DOCK4: variants seen among roughly 807,000 people sequenced by gnomAD.
DOCK4 encodes dedicator of cytokinesis 4, also known as dedicator of cytokinesis protein 4.
Under a neutral mutation model 268.1 loss-of-function variants are expected in DOCK4, and 97 were observed. The observed-to-expected ratio is 0.36, with a 90% CI of 0.31 to 0.43. The LOEUF (loss-of-function observed/expected upper bound fraction) is 0.43, where lower values mean the gene tolerates loss of function less well. Among genes scored for constraint, DOCK4 ranks in the 20% least tolerant of loss-of-function variants. The pLI, the probability that DOCK4 is intolerant of heterozygous loss-of-function variation, is 1.00. For missense variants in DOCK4, 2,145 were observed against 2,455.7 expected (o/e 0.87, Z 2.67); for synonymous variants, 954 against 887.2 (o/e 1.08, Z -1.34).
chr7:111,792,067 G>GAAA, intron 30 of DOCK4, among the ~76,000 whole-genome samples: 1 of 152,234 alleles, frequency 6.6e-6, no homozygotes, highest in Middle Eastern at 3.2e-3. Flanking sequence ...TATGGACACA[G>GAAA]ATGATTTCAT....
chr7:111,799,171 C>T (rs976783984), intron 30 of DOCK4, among the ~76,000 whole-genome samples: 8 of 152,172 alleles, frequency 5.3e-5, no homozygotes, highest in Non-Finnish European at 1.2e-4. Flanking sequence ...GCATACTTTC[C>T]AGCCCTCAGA....
intron 1 of DOCK4, among the ~76,000 whole-genome samples, chr7:112,039,633 T>G (rs139521466): frequency 6.6e-6 from 1 of 152,030 alleles, no homozygotes; most frequent in Non-Finnish European, 1.5e-5. Context: ...TGGGCTAGAG[T>G]AGAGTCGCAG....
chr7:112,142,058 C>T (rs1320879064), intron 1 of DOCK4, among the ~76,000 whole-genome samples: 5 of 152,134 alleles, frequency 3.3e-5, no homozygotes, highest in African/African-American at 1.2e-4. Context: ...GTCTAGGAGC[C>T]AGATGGGAGA....
chr7:112,023,066 T>G (rs1802468522), intron 1 of DOCK4, among the ~76,000 whole-genome samples: 1 of 152,140 alleles, frequency 6.6e-6, no homozygotes, highest in Admixed American at 6.5e-5. Flanking sequence ...TAGCTGGGAT[T>G]ACAGGTGCCC....
At chr7:111,962,785 A>C (rs1221024356) in intron 8 of DOCK4, among the ~76,000 whole-genome samples, 2 of 152,226 alleles carry the variant, frequency 1.3e-5, no homozygotes, top group East Asian at 3.8e-4. Flanking sequence ...ATGGAGTTTA[A>C]TGAAGTGATG....
At chr7:111,925,840 G>A (rs1406208725) in intron 12 of DOCK4, among the ~76,000 whole-genome samples, 1 of 152,144 alleles carries the variant, frequency 6.6e-6, no homozygotes, top group Admixed American at 6.5e-5. Flanking sequence ...GTAATCCCAG[G>A]ACTTTGGGAG....
intron 43 of DOCK4, 113 bp downstream of exon 43, chr7:111,747,154 C>T (rs1042569015): frequency 1.3e-5 from 12 of 940,262 alleles, no homozygotes; most frequent in South Asian, 4.2e-5. Context: ...CTGTGTCAAT[C>T]GCAGCCCTAT....
At chr7:111,895,874 C>T (rs769333328) in intron 15 of DOCK4, among the ~76,000 whole-genome samples, 156 bp from the exon 16 acceptor site, 2 of 152,162 alleles carry the variant, frequency 1.3e-5, no homozygotes, top group Non-Finnish European at 2.9e-5. Flanking sequence ...TATAGAGCAG[C>T]CACCCTCTAA....
chr7:111,935,315 CT>C, intron 12 of DOCK4: 1 of 570,160 alleles, frequency 1.8e-6, no homozygotes, highest in Non-Finnish European at 3.2e-6. Flanking sequence ...TTCAGATTAT[CT>C]TTTTCGTTTC....
intron 30 of DOCK4, among the ~76,000 whole-genome samples, chr7:111,803,128 A>G (rs1052554112): frequency 2.0e-5 from 3 of 152,216 alleles, no homozygotes; most frequent in Non-Finnish European, 2.9e-5. Flanking sequence ...TCCATATACT[A>G]CATTCTGCAG....
At chr7:111,756,549 C>CG (rs1797033623) in intron 41 of DOCK4, among the ~76,000 whole-genome samples, 1 of 150,236 alleles carries the variant, frequency 6.7e-6, no homozygotes, top group Non-Finnish European at 1.5e-5. Flanking sequence ...ATTTTAGAGC[C>CG]AGGGCTTCCT....
intron 22 of DOCK4, among the ~76,000 whole-genome samples, chr7:111,864,775 G>A (rs963712835): frequency 6.6e-6 from 1 of 152,012 alleles, no homozygotes; most frequent in Non-Finnish European, 1.5e-5. Context: ...TAACCTTCAC[G>A]TCACCCTGCA....
chr7:111,851,654 A>C (rs1452308209), intron 23 of DOCK4, among the ~76,000 whole-genome samples: 3 of 151,998 alleles, frequency 2.0e-5, no homozygotes, highest in Non-Finnish European at 2.9e-5. Context: ...TTTCTACTTG[A>C]GGACCCAAGA....
At position 111,878,951 on chromosome 7, in the gene DOCK4, T is replaced by C. The variant is rs567485422; in HGVS notation, c.1588-1765A>G. The stretch of plus-strand genomic sequence containing the variant: ...AGTGCTAGGCTGGGCTTAGAGTCCA[T>C]GGACAAGGGTAGCATGTGACCTAGG... On this transcript the variant is annotated intron_variant, in intron 16 of 52. Transcript: ENST00000428084. 1.2e-4 allele frequency among the ~76,000 whole-genome samples: 18 copies of C among 152,064 alleles called. No individual in the cohort carries two copies. The South Asian group carries it at 3.7e-3, about 32-fold the overall frequency.
rs1799003370 is a variant in DOCK4, at chr7:111,784,270, C to CAG, written c.3402-149_3402-148dup. ...TTTCCTAGCTTCTCCCTTACACTAACAGAGGCTTGCGTCTTACCACATCAA... is the reference window on the plus strand; with the variant it reads ...TTTCCTAGCTTCTCCCTTACACTAACAGAGAGGCTTGCGTCTTACCACATCAA... On this transcript the variant is annotated intron_variant, in intron 32 of 52. Coordinates refer to ENST00000428084, the MANE Select transcript of DOCK4 (RefSeq NM_001363540.2). 3.3e-6 allele frequency: 3 copies of CAG among 918,474 alleles called. No individual in the cohort carries two copies. The East Asian group carries it at 7.9e-5, about 24-fold the overall frequency. 56.9% of individuals were successfully genotyped at this position (918,474 alleles called of 1,614,324 possible).
intron 8 of DOCK4, among the ~76,000 whole-genome samples, chr7:111,972,890 C>A (rs952717492): frequency 6.6e-5 from 10 of 151,638 alleles, no homozygotes; most frequent in African/African-American, 2.4e-4. Flanking sequence ...GTGCACCCAT[C>A]ACCTGAGCAG....
chr7:111,880,185 A>G (rs949968608), intron 16 of DOCK4, among the ~76,000 whole-genome samples: 1 of 152,242 alleles, frequency 6.6e-6, no homozygotes, highest in African/African-American at 2.4e-5. Context: ...AAAAGCAGCA[A>G]AAGAAAAGAA....
chr7:112,115,055 C>T (rs1812003569), intron 1 of DOCK4, among the ~76,000 whole-genome samples: 1 of 152,134 alleles, frequency 6.6e-6, no homozygotes, highest in Admixed American at 6.5e-5. Flanking sequence ...TTATTTCTGG[C>T]TTACCCTAAT....
intron 1 of DOCK4, among the ~76,000 whole-genome samples, chr7:112,021,970 T>C (rs1031546091): frequency 2.0e-5 from 3 of 152,164 alleles, no homozygotes; most frequent in African/African-American, 7.2e-5. Context: ...AATATGCATA[T>C]GATTATTTAT....
Sources: allele counts gnomAD v4.1 joint callset (sites outside exome capture counted in the v4.1 genomes callset), GRCh38; gene constraint gnomAD v4.1.1; transcripts MANE v1.5; gene names NCBI Gene and HGNC (gene_info 2026-07-23, HGNC 2026-07-21).